C5: variants seen among roughly 807,000 people sequenced by gnomAD.
C5 encodes the protein complement C5, also known as C3 and PZP-like alpha-2-macroglobulin domain-containing protein 4.
A neutral mutation model predicts 218.8 loss-of-function variants in C5; 140 were observed. The ratio of observed to expected loss-of-function variants is 0.64; its 90% CI spans 0.56 to 0.74. The LOEUF (loss-of-function observed/expected upper bound fraction) is 0.74. Ranked by LOEUF, C5 falls within the 30% of genes least tolerant of loss-of-function variation. The pLI, the probability that C5 is intolerant of heterozygous loss-of-function variation, is 0.00. For synonymous variants in C5, 614 were observed against 682.3 expected (o/e 0.90, Z 1.56); for missense variants, 1,700 against 1,969.6 (o/e 0.86, Z 2.59).
intron 22 of C5, among the ~76,000 whole-genome samples, chr9:120,995,898 A>G (rs1460422091): frequency 6.7e-6 from 1 of 148,588 alleles, no homozygotes; most frequent in African/African-American, 2.5e-5. Flanking sequence ...AGCTCACTGT[A>G]ACCTCCACCT....
At chr9:121,045,059 C>T (rs2047615610) in intron 2 of C5, among the ~76,000 whole-genome samples, 1 of 151,064 alleles carries the variant, frequency 6.6e-6, no homozygotes, top group South Asian at 2.1e-4. Context: ...AAGCGATTCT[C>T]CTGCCTCAGT....
At chr9:121,036,538 C>T (rs1278947097) in intron 4 of C5, among the ~76,000 whole-genome samples, 3 of 152,218 alleles carry the variant, frequency 2.0e-5, no homozygotes, top group African/African-American at 7.2e-5. Context: ...CTCTTTCAGA[C>T]ATTCTATCAG....
In C5 at chr9:120,988,845, G is replaced by A. The variant is rs55640820; in HGVS notation, c.3230+201C>T. On this transcript the variant is annotated intron_variant, in intron 25 of 40. Coordinates refer to ENST00000223642, the MANE Select transcript of C5 (RefSeq NM_001735.3). ...TCTTGGAACAGGATAGTGTGGTGGA[G>A]GTGGTGAGAAGTAGTCAAATTAAGG... Among the ~76,000 whole-genome samples, 5 of 152,124 alleles carry A rather than the reference G, an allele frequency of 3.3e-5. No individual in the cohort carries two copies. The East Asian group carries it at 9.6e-4, about 29-fold the overall frequency.
At chr9:120,991,098 G>C in intron 23 of C5, 93 bp downstream of exon 23, 1 of 829,044 alleles carries the variant, frequency 1.2e-6, no homozygotes, top group African/African-American at 1.7e-5. Flanking sequence ...TACTGAACAC[G>C]GAAGTGGAGA....
At position 121,020,041 on chromosome 9, in the gene C5, G is replaced by A. The variant is rs142376026; in HGVS notation, c.1441C>T (p.His481Tyr). The change falls in exon 12 of 41, where the codon CAT (histidine) becomes TAT (tyrosine). Residue 481 changes from histidine to tyrosine, a missense_variant. By Grantham distance (83) the His-to-Tyr change is moderately conservative. Coordinates refer to ENST00000223642, the MANE Select transcript of C5 (RefSeq NM_001735.3). ...TTGGGGGTAACAATAATATTCAGATGTTCTCCCACTAGCAAAGCCTTATGG... is the reference window on the plus strand; with the variant it reads ...TTGGGGGTAACAATAATATTCAGATATTCTCCCACTAGCAAAGCCTTATGG... ...DNHKALLVGE[H>Y]LNIIVTPKSP... 2 of 1,612,666 alleles carry A rather than the reference G, an allele frequency of 1.2e-6. No individual in the cohort carries two copies. The highest frequency in any genetic ancestry group is 1.7e-6 in the Non-Finnish European group (2 of 1,178,786).
the C5 span, among the ~76,000 whole-genome samples, chr9:121,067,064 GAGA>G: frequency 1.3e-5 from 2 of 151,992 alleles, no homozygotes; most frequent in Non-Finnish European, 2.9e-5. Flanking sequence ...CCAGAAATTG[GAGA>G]CCAGCCTGGG....
chr9:120,962,964 C>T lies in C5; in HGVS notation c.4327G>A (p.Val1443Met). The change falls in exon 35 of 41, where the codon GTG (valine) becomes ATG (methionine). Residue 1443 changes from valine (V) to methionine (M), a missense_variant. By Grantham distance (21) the Val-to-Met change is conservative. Transcript: ENST00000223642. ...SANEEDLKAL[V>M]EGVDQLFTDY... ...GTGAATAGTTGATCCACCCCTTCCA[C>T]AAGCTAAGGGGGAAAAGAGAGAAGC... is the stretch of plus-strand genomic sequence containing the variant. 3 of 1,611,416 alleles carry T rather than the reference C, an allele frequency of 1.9e-6. No individual in the cohort carries two copies. Among genetic ancestry groups the T allele is most frequent in the Non-Finnish European group, 2.5e-6 (3 of 1,177,494 alleles).
intron 19 of C5, among the ~76,000 whole-genome samples, chr9:121,006,558 T>G (rs1030004994): frequency 2.0e-5 from 3 of 152,068 alleles, no homozygotes; most frequent in Admixed American, 1.3e-4. Context: ...AAATAAAGAC[T>G]TGAGGCTGGG....
At chr9:121,065,842 G>A in the C5 span, among the ~76,000 whole-genome samples, 6 of 152,050 alleles carry the variant, frequency 3.9e-5, no homozygotes, top group South Asian at 2.1e-4. Flanking sequence ...GGGTAAAGAA[G>A]AAGGATATAC....
chr9:121,024,713 C>A (rs2047404590), intron 9 of C5, among the ~76,000 whole-genome samples: 1 of 152,160 alleles, frequency 6.6e-6, no homozygotes, highest in Non-Finnish European at 1.5e-5. Context: ...CAACAATCAT[C>A]TAGAAGCTCA....
chr9:120,978,206 C>T (rs7037673), intron 28 of C5, among the ~76,000 whole-genome samples: 60,148 of 151,900 alleles, frequency 0.4, 12,569 homozygotes, highest in South Asian at 0.62. Context: ...GTTATTTAAA[C>T]CTGTAAACCT....
chr9:121,061,457 A>C, the C5 span, among the ~76,000 whole-genome samples: 1 of 152,170 alleles, frequency 6.6e-6, no homozygotes, highest in South Asian at 2.1e-4. Context: ...CTGAGGCACG[A>C]GAATTGCTTG....
chr9:121,059,906 T>A, the C5 span, among the ~76,000 whole-genome samples: 1 of 152,186 alleles, frequency 6.6e-6, no homozygotes, highest in African/African-American at 2.4e-5. The surrounding 1 kb of genome is among the most constrained non-coding windows in gnomAD (Gnocchi z 4.1). Context: ...CCAGCTGTCA[T>A]CTTGACTGCA....
At chr9:121,070,482 T>A in the C5 span, among the ~76,000 whole-genome samples, 1 of 148,616 alleles carries the variant, frequency 6.7e-6, no homozygotes, top group African/African-American at 2.5e-5. Flanking sequence ...TGTATATATA[T>A]GTGTGTGTGT....
At chr9:120,984,377 T>C (rs554622701) in intron 25 of C5, among the ~76,000 whole-genome samples, 92 of 152,314 alleles carry the variant, frequency 6.0e-4, no homozygotes, top group African/African-American at 2.1e-3. Context: ...GGATGAGAAA[T>C]ACTTCTACGG....
At chr9:120,971,583 G>A (rs1210815056) in intron 31 of C5, among the ~76,000 whole-genome samples, 5 of 152,040 alleles carry the variant, frequency 3.3e-5, no homozygotes, top group South Asian at 2.1e-4. Context: ...GAATACAGGC[G>A]CACGCCACCA....
In C5 at chr9:121,027,205, T is replaced by C; in HGVS notation, c.828A>G (p.Lys276=). 1 of 1,603,188 alleles carries C rather than the reference T, an allele frequency of 6.2e-7. No homozygotes were observed. Among genetic ancestry groups the C allele is most frequent in the Non-Finnish European group, 8.5e-7 (1 of 1,171,728 alleles). ...YITFGIREDL[K]DDQKEMMQTA... Reference sequence around the variant, plus strand: ...TTTGCATCATTTCTTTTTGATCATCTTTTAAGTCTTCTCTTATTCCAAATG... The same window carrying C: ...TTTGCATCATTTCTTTTTGATCATCCTTTAAGTCTTCTCTTATTCCAAATG... The change falls in exon 8 of 41, where the codon AAA becomes AAG. Residue 276 remains lysine, a synonymous_variant. Coordinates refer to ENST00000223642, the MANE Select transcript of C5 (RefSeq NM_001735.3).
At chr9:121,003,753 TAAAAATG>T (rs2047191572) in intron 20 of C5, among the ~76,000 whole-genome samples, 1 of 152,196 alleles carries the variant, frequency 6.6e-6, no homozygotes, top group Non-Finnish European at 1.5e-5. Flanking sequence ...CCTACCTCTA[TAAAAATG>T]AAAAATAAGA....
chr9:120,961,488 C>A lies in C5; in HGVS notation c.4582G>T (p.Val1528Leu), dbSNP rs1235056478. The A allele has an allele frequency of 1.2e-6, 2 of 1,605,352 alleles. No homozygotes were observed. Among genetic ancestry groups the A allele is most frequent in the Non-Finnish European group, 1.7e-6 (2 of 1,172,014 alleles). The part of the protein sequence containing the change: ...KVCEGAACKC[V>L]EADCGQMQEE... Reference sequence around the variant, plus strand: ...TATGTTAAATAAAGTTTACCTTCTACACACTTGCACGCGGCTCCTTCACAG... The same window carrying A: ...TATGTTAAATAAAGTTTACCTTCTAAACACTTGCACGCGGCTCCTTCACAG... The change falls in exon 37 of 41, where the codon GTA becomes TTA. Residue 1528 changes from valine to leucine, a missense_variant. By Grantham distance (32) the Val-to-Leu change is conservative. Transcript: ENST00000223642.
Sources: allele counts gnomAD v4.1 joint callset (sites outside exome capture counted in the v4.1 genomes callset), GRCh38; gene constraint gnomAD v4.1.1; non-coding constraint Gnocchi (gnomAD v3.1); transcripts MANE v1.5; gene names NCBI Gene and HGNC (gene_info 2026-07-23, HGNC 2026-07-21).